Variants in SLC9A7 observed in about 807,000 individuals in gnomAD.
The protein encoded by SLC9A7 is solute carrier family 9 member A7.
Under a neutral mutation model 52.6 loss-of-function variants are expected in SLC9A7, and 19 were observed. The ratio of observed to expected loss-of-function variants is 0.36; its 90% CI spans 0.25 to 0.53. The LOEUF (loss-of-function observed/expected upper bound fraction) is 0.53, where lower values mean the gene tolerates loss of function less well. Among genes scored for constraint, SLC9A7 ranks in the 20% least tolerant of loss-of-function variants. The probability of loss-of-function intolerance (pLI) is 0.91; values close to 1 mark genes in which losing one functional copy is unlikely to be tolerated. For synonymous variants in SLC9A7, 226 were observed against 252.1 expected (o/e 0.90, Z 0.98); for missense variants, 455 against 597.9 (o/e 0.76, Z 2.49).
intron 1 of SLC9A7, among the ~76,000 whole-genome samples, chrX:46,705,159 G>C (rs1421772079): frequency 9.0e-6 from 1 of 111,470 alleles, no homozygotes; most frequent in Non-Finnish European, 1.9e-5. Context: ...CCCACACAGG[G>C]GAGAAAGGGG....
At chrX:46,629,486 G>A (rs374879731) in intron 14 of SLC9A7, among the ~76,000 whole-genome samples, 5 of 112,169 alleles carry the variant, frequency 4.5e-5, no homozygotes, top group East Asian at 2.8e-4. Context: ...TTCCCAGTGC[G>A]CAGGGCTCAT....
rs1942652620 is a variant in SLC9A7, at chrX:46,600,990, T to C, written c.*5962A>G. The stretch of plus-strand genomic sequence containing the variant: ...ATAGCTCAGAACTCAATGATACCAG[T>C]CTAATGTATATGAAAGACTTGTTCC... On this transcript the variant is annotated 3_prime_UTR_variant, in exon 17 of 17. Transcript: ENST00000616978. 3 of 111,906 alleles carry C rather than the reference T, an allele frequency of 2.7e-5. No homozygotes were observed. In the Admixed American group the frequency reaches 2.9e-4, roughly 11 times the overall value. 9.2% of individuals were successfully genotyped at this position (111,906 alleles called of 1,213,427 possible).
chrX:46,630,458 T>C (rs1943203743), intron 14 of SLC9A7, among the ~76,000 whole-genome samples: 1 of 112,368 alleles, frequency 8.9e-6, no homozygotes, highest in African/African-American at 3.2e-5. Context: ...CAAACACCTA[T>C]CAGGTTCCTG....
chrX:46,750,970 T>C (rs1392803338), intron 1 of SLC9A7, among the ~76,000 whole-genome samples: 1 of 112,310 alleles, frequency 8.9e-6, no homozygotes, highest in African/African-American at 3.2e-5. Context: ...CATCAAATAC[T>C]GCAATAGAGA....
intron 7 of SLC9A7, among the ~76,000 whole-genome samples, chrX:46,658,945 C>T (rs1203301772): frequency 9.0e-6 from 1 of 111,392 alleles, no homozygotes; most frequent in African/African-American, 3.3e-5. Context: ...GACCAATATC[C>T]TTGATGAACA....
At chrX:46,726,054 T>C (rs1944940239) in intron 1 of SLC9A7, among the ~76,000 whole-genome samples, 1 of 107,329 alleles carries the variant, frequency 9.3e-6, no homozygotes, top group Non-Finnish European at 1.9e-5. Flanking sequence ...ATAAATGGTA[T>C]TGAGTTGTTA....
In SLC9A7 at chrX:46,666,885, C is replaced by G. The variant is rs775989206; in HGVS notation, c.793+2722G>C. 2.7e-5 allele frequency among the ~76,000 whole-genome samples: 3 copies of G among 111,968 alleles called. No individual in the cohort carries two copies. The South Asian group carries it at 1.1e-3, about 42-fold the overall frequency. On this transcript the variant is annotated intron_variant, in intron 5 of 16. Coordinates refer to ENST00000616978, the MANE Select transcript of SLC9A7 (RefSeq NM_001257291.2). ...ACACATTTTCGGACAGACTAAATAC[C>G]TTTCTCAGACTTATGAAGATCTATT...
At chrX:46,726,607 T>G (rs1038088181) in intron 1 of SLC9A7, among the ~76,000 whole-genome samples, 1 of 111,842 alleles carries the variant, frequency 8.9e-6, no homozygotes, top group African/African-American at 3.3e-5. Flanking sequence ...CATTTCAAGG[T>G]GTCAGTGCAG....
rs761439711 is a variant in SLC9A7 at position 46,606,909 on chromosome X, C to T, written c.*43G>A. The T allele has an allele frequency of 1.2e-5, 14 of 1,208,382 alleles. No homozygotes were observed. In the Admixed American group the frequency reaches 3.0e-4, roughly 26 times the overall value. ...ACTAGGGCTTGCAGCTGTCCTCACCCCATCGGGAGCCTACCCCATCGCGCC... is the reference window on the plus strand; with the variant it reads ...ACTAGGGCTTGCAGCTGTCCTCACCTCATCGGGAGCCTACCCCATCGCGCC... On this transcript the variant is annotated 3_prime_UTR_variant, in exon 17 of 17. Transcript: ENST00000616978.
At chrX:46,756,210 C>CA (rs1436881863) in intron 1 of SLC9A7, among the ~76,000 whole-genome samples, 4 of 111,475 alleles carry the variant, frequency 3.6e-5, no homozygotes, top group Non-Finnish European at 7.5e-5. Flanking sequence ...TCCCAGCACA[C>CA]AGTGGATACT....
chrX:46,647,116 G>C, intron 11 of SLC9A7: 1 of 338,039 alleles, frequency 3.0e-6, no homozygotes, highest in Non-Finnish European at 5.7e-6. Context: ...TCAGGTCAGT[G>C]GCATCTGGCA....
At chrX:46,655,738 C>A (rs1232015314) in intron 7 of SLC9A7, among the ~76,000 whole-genome samples, 3 of 112,691 alleles carry the variant, frequency 2.7e-5, no homozygotes, top group Admixed American at 9.3e-5. Flanking sequence ...TGGAGTCTCG[C>A]TGATTGCTAG....
chrX:46,671,658 T>A (rs909587912), intron 4 of SLC9A7, among the ~76,000 whole-genome samples: 1 of 111,704 alleles, frequency 9.0e-6, no homozygotes, highest in African/African-American at 3.3e-5. Context: ...ATTTGTCTGA[T>A]TTTTTTTCTC....
intron 1 of SLC9A7, among the ~76,000 whole-genome samples, chrX:46,754,806 A>C (rs1922520461): frequency 1.8e-5 from 2 of 112,615 alleles, no homozygotes. Context: ...ACTACCGTAC[A>C]TCTGAGAGAG....
chrX:46,672,551 C>T lies in SLC9A7; in HGVS notation c.680G>A (p.Gly227Glu). The T allele has an allele frequency of 1.7e-6, 2 of 1,198,493 alleles. No homozygotes were observed. ...GGTTATATGACAAAGGTTCACTTAC[C>T]CAATAATGAAGCATGAAACAGCAGT... ...LGTAVSCFII[G>E]NLMYGVVKLM... is the part of the protein sequence containing the mutation. Residue 227 changes from glycine to glutamate, a missense_variant and splice_region_variant, in exon 4 of 17, where the codon GGA becomes GAA. By Grantham distance (98) the Gly-to-Glu change is moderately conservative. Transcript: ENST00000616978.
chrX:46,725,197 C>T (rs1395314300), intron 1 of SLC9A7: 1 of 923,924 alleles, frequency 1.1e-6, no homozygotes, highest in Non-Finnish European at 1.6e-6. Flanking sequence ...AATTCATCCA[C>T]CAGAACTCCA....
intron 7 of SLC9A7, among the ~76,000 whole-genome samples, chrX:46,654,873 C>T (rs921935584): frequency 6.3e-5 from 7 of 110,906 alleles, no homozygotes; most frequent in African/African-American, 1.6e-4. Context: ...TTTAAATCTG[C>T]GCTATCCAAT....
chrX:46,705,352 T>C (rs948445695), intron 1 of SLC9A7, among the ~76,000 whole-genome samples: 3 of 112,471 alleles, frequency 2.7e-5, no homozygotes, highest in African/African-American at 9.7e-5. Flanking sequence ...GTACAGAGAA[T>C]TGACTGCAGG....
chrX:46,740,224 C>T (rs1209433065), intron 1 of SLC9A7, among the ~76,000 whole-genome samples: 1 of 111,473 alleles, frequency 9.0e-6, no homozygotes, highest in Non-Finnish European at 1.9e-5. Flanking sequence ...AAAATTAAAG[C>T]TTCCCTAAAG....
Sources: gnomAD v4.1 joint callset for allele counts (sites outside exome capture counted in the v4.1 genomes callset) on GRCh38, gnomAD v4.1.1 for gene constraint, MANE v1.5 for transcripts, NCBI Gene and HGNC (gene_info 2026-07-23, HGNC 2026-07-21) for gene names.